Variants in RGS7 observed in about 807,000 individuals in gnomAD.
The protein encoded by RGS7 is regulator of G-protein signaling 7.
A neutral mutation model predicts 81.1 loss-of-function variants in RGS7; 27 were observed. That is an observed-to-expected ratio of 0.33 (90% CI 0.25 to 0.46). RGS7 has a LOEUF of 0.46. Ranked by LOEUF, RGS7 falls within the 20% of genes least tolerant of loss-of-function variation. The pLI is 1.00. For synonymous variants in RGS7, 208 were observed against 207.7 expected, an observed-to-expected ratio of 1.00 and a Z score of -0.01; for missense variants, 396 against 607.4, an observed-to-expected ratio of 0.65 and a Z score of 3.66.
chr1:240,859,248 T>C (rs6672205), intron 9 of RGS7, among the ~76,000 whole-genome samples: 5,755 of 152,104 alleles, frequency 0.038, 359 homozygotes, highest in African/African-American at 0.13. Context: ...GATCCTCCTG[T>C]CTCGGCCTCC....
At chr1:241,083,645 C>A (rs182146932) in intron 3 of RGS7, among the ~76,000 whole-genome samples, 510 of 152,196 alleles carry the variant, frequency 3.4e-3, no homozygotes, top group Middle Eastern at 0.01. Context: ...CTGTTTTCTG[C>A]AAGAATTAAT....
intron 3 of RGS7, among the ~76,000 whole-genome samples, chr1:241,020,186 G>C (rs2059469048): frequency 6.6e-6 from 1 of 152,268 alleles, no homozygotes; most frequent in South Asian, 2.1e-4. Context: ...TGCAAAGTCT[G>C]GTATGAAGTA....
At chr1:240,993,330 A>T (rs1317103475) in intron 3 of RGS7, among the ~76,000 whole-genome samples, 1 of 152,144 alleles carries the variant, frequency 6.6e-6, no homozygotes, top group Non-Finnish European at 1.5e-5. Context: ...GGCCTGAGCC[A>T]TTTTACATTC....
At chr1:240,971,423 A>G (rs1242688859) in intron 4 of RGS7, among the ~76,000 whole-genome samples, 1 of 152,212 alleles carries the variant, frequency 6.6e-6, no homozygotes, top group Non-Finnish European at 1.5e-5. Flanking sequence ...AGCTCCTAAT[A>G]CGCTGAAATG....
intron 18 of RGS7, among the ~76,000 whole-genome samples, chr1:240,784,943 A>G (rs1322068069): frequency 6.6e-6 from 1 of 152,178 alleles, no homozygotes; most frequent in Non-Finnish European, 1.5e-5. Context: ...ATATGGTGGT[A>G]AAATGAGATG....
At chr1:240,808,491 A>AT (rs1689273970) in intron 14 of RGS7, among the ~76,000 whole-genome samples, 1 of 152,312 alleles carries the variant, frequency 6.6e-6, no homozygotes, top group East Asian at 1.9e-4. Context: ...CAGTAATTCT[A>AT]TTAGGCAAGT....
In RGS7 at chr1:240,922,689, G is replaced by T. The variant is rs373372349; in HGVS notation, c.385+8028C>A. On this transcript the variant is annotated intron_variant, in intron 6 of 18. Transcript: ENST00000440928. ...CAATGAGATACCACATCTATTAAAT[G>T]ACTAAAATCCAAAACATTGAAAACA... Among the ~76,000 whole-genome samples, 5 of 152,034 alleles carry T rather than the reference G, an allele frequency of 3.3e-5. No individual in the cohort carries two copies. The South Asian group carries it at 8.3e-4, about 25-fold the overall frequency.
intron 2 of RGS7, among the ~76,000 whole-genome samples, chr1:241,165,713 T>C (rs2070154720): frequency 6.6e-6 from 1 of 150,770 alleles, no homozygotes; most frequent in Non-Finnish European, 1.5e-5. Flanking sequence ...CACATCAGCA[T>C]GGCACATGTA....
intron 2 of RGS7, among the ~76,000 whole-genome samples, chr1:241,286,493 G>A (rs562963332): frequency 6.6e-6 from 1 of 152,266 alleles, no homozygotes; most frequent in South Asian, 2.1e-4. Context: ...AATGGGGATG[G>A]GGGAAGAGAA....
At chr1:241,269,208 C>A (rs1018785370) in intron 2 of RGS7, among the ~76,000 whole-genome samples, 1 of 152,206 alleles carries the variant, frequency 6.6e-6, no homozygotes, top group African/African-American at 2.4e-5. Flanking sequence ...TTAAAAAAAT[C>A]TCTTTTGTAA....
chr1:241,063,004 T>TCA (rs943387100), intron 3 of RGS7, among the ~76,000 whole-genome samples: 1 of 152,200 alleles, frequency 6.6e-6, no homozygotes, highest in Non-Finnish European at 1.5e-5. Flanking sequence ...TCCACTGAAT[T>TCA]CACACACACA....
intron 2 of RGS7, among the ~76,000 whole-genome samples, chr1:241,268,709 G>A (rs1286077399): frequency 6.6e-6 from 1 of 152,130 alleles, no homozygotes; most frequent in Non-Finnish European, 1.5e-5. Flanking sequence ...AGAGCCCCCA[G>A]TCATGTGTCA....
intron 2 of RGS7, among the ~76,000 whole-genome samples, chr1:241,223,913 G>A (rs912957672): frequency 1.1e-4 from 16 of 151,478 alleles, no homozygotes; most frequent in African/African-American, 3.6e-4. Flanking sequence ...ATACTGAAAT[G>A]GTGGTTCTGC....
At chr1:240,918,410 C>T (rs1021494385) in intron 6 of RGS7, among the ~76,000 whole-genome samples, 1 of 151,910 alleles carries the variant, frequency 6.6e-6, no homozygotes, top group African/African-American at 2.4e-5. Context: ...TGATCTCAAA[C>T]AATAGAATTA....
intron 3 of RGS7, among the ~76,000 whole-genome samples, chr1:241,048,599 A>G (rs999586910): frequency 6.6e-6 from 1 of 152,228 alleles, no homozygotes; most frequent in Non-Finnish European, 1.5e-5. Flanking sequence ...TTTATTTAAT[A>G]GATAAATCAG....
In RGS7 at chr1:241,284,402, G is replaced by T. The variant is rs188774264; in HGVS notation, c.78+71297C>A. On this transcript the variant is annotated intron_variant, in intron 2 of 18. Coordinates refer to ENST00000440928, the MANE Select transcript of RGS7 (RefSeq NM_001364886.1). ...TAGGGGTGGGGGGAGTGTTTGGCAGGGGGGGTTGTTCTGGTTCCCTACCTG... is the reference window on the plus strand; with the variant it reads ...TAGGGGTGGGGGGAGTGTTTGGCAGTGGGGGTTGTTCTGGTTCCCTACCTG... 2.0e-4 allele frequency among the ~76,000 whole-genome samples: 31 copies of T among 151,928 alleles called. No homozygotes were observed. The South Asian group carries it at 5.4e-3, about 27-fold the overall frequency.
intron 3 of RGS7, among the ~76,000 whole-genome samples, chr1:241,067,488 A>G (rs1284407724): frequency 6.6e-6 from 1 of 151,340 alleles, no homozygotes; most frequent in Non-Finnish European, 1.5e-5. Flanking sequence ...CTAGTAGAAC[A>G]TTCAAGTAAA....
chr1:241,175,202 C>T (rs2103277769), intron 2 of RGS7, among the ~76,000 whole-genome samples: 1 of 152,092 alleles, frequency 6.6e-6, no homozygotes, highest in South Asian at 2.1e-4. Flanking sequence ...ATTCCTGGCT[C>T]ACAGAAAATC....
At chr1:240,816,205 C>G in intron 11 of RGS7, 112 bp downstream of exon 11, 2 of 755,658 alleles carry the variant, frequency 2.6e-6, no homozygotes, top group East Asian at 5.0e-5. Context: ...CCACATGAAA[C>G]AGTCAGTCAT....
Sources: allele counts gnomAD v4.1 joint callset (sites outside exome capture counted in the v4.1 genomes callset), GRCh38; gene constraint gnomAD v4.1.1; transcripts MANE v1.5; gene names NCBI Gene and HGNC (gene_info 2026-07-23, HGNC 2026-07-21).